Variants in NLRP8 observed in about 807,000 individuals in gnomAD.
The protein encoded by NLRP8 is NACHT, LRR and PYD domains-containing protein 8.
In NLRP8, 86 loss-of-function variants were observed where a neutral mutation model predicts 88.7. That is an observed-to-expected ratio of 0.97 (90% confidence interval 0.81 to 1.16). The LOEUF (loss-of-function observed/expected upper bound fraction) is 1.16. Among genes scored for constraint, NLRP8 ranks in the 50% most tolerant of loss-of-function variants. The pLI is 0.00. For missense variants in NLRP8, 1,342 were observed against 1,286.5 expected, an observed-to-expected ratio of 1.04 and a Z score of -0.66; for synonymous variants, 504 against 494.6, an observed-to-expected ratio of 1.02 and a Z score of -0.25.
At chr19:55,949,706 C>T (rs747649365) in intron 1 of NLRP8, among the ~76,000 whole-genome samples, 30 of 150,372 alleles carry the variant, frequency 2.0e-4, no homozygotes, top group Non-Finnish European at 1.0e-4. Flanking sequence ...CCCGCCTCTC[C>T]CAATAGCTGA....
At chr19:55,985,573 T>C (rs1980770172) in intron 9 of NLRP8, among the ~76,000 whole-genome samples, 2 of 152,162 alleles carry the variant, frequency 1.3e-5, no homozygotes, top group African/African-American at 2.4e-5. Flanking sequence ...CCTCATACCA[T>C]ATACAAAATT....
chr19:55,968,831 G>A (rs1016052045), intron 5 of NLRP8, among the ~76,000 whole-genome samples: 7 of 152,158 alleles, frequency 4.6e-5, no homozygotes, highest in Non-Finnish European at 1.0e-4. Context: ...TCCAGAGGAG[G>A]CCCACGAGCC....
At chr19:55,974,519 C>T (rs563401411) in intron 7 of NLRP8, among the ~76,000 whole-genome samples, 20 of 152,012 alleles carry the variant, frequency 1.3e-4, no homozygotes, top group African/African-American at 3.4e-4. Context: ...GAGTCCGAGG[C>T]GGGAGGATCA....
At chr19:55,960,773 CAT>C (rs1175315850) in intron 3 of NLRP8, among the ~76,000 whole-genome samples, 1 of 151,878 alleles carries the variant, frequency 6.6e-6, no homozygotes, top group African/African-American at 2.4e-5. Flanking sequence ...TTTTTCATCT[CAT>C]GTGTCTTGGC....
chr19:55,966,071 A>G (rs947502537), intron 4 of NLRP8, 142 bp from the exon 5 acceptor site: 1 of 670,226 alleles, frequency 1.5e-6, no homozygotes, highest in African/African-American at 1.8e-5. Context: ...TAATGTCTGC[A>G]TCCTGAATTC....
intron 1 of NLRP8, among the ~76,000 whole-genome samples, chr19:55,949,127 T>C (rs1200641878): frequency 6.6e-6 from 1 of 152,250 alleles, no homozygotes; most frequent in East Asian, 1.9e-4. Flanking sequence ...AGAGACCACA[T>C]TTACATACCG....
chr19:55,988,006 G>C lies in NLRP8; in HGVS notation c.*93G>C, dbSNP rs779048040. 3 of 953,552 alleles carry C rather than the reference G, an allele frequency of 3.1e-6. No individual in the cohort carries two copies. In the South Asian group the frequency reaches 4.1e-5, roughly 13 times the overall value. The allele number at this position is 953,552 out of a possible 1,614,324, so 59.1% of individuals were successfully genotyped here. Reference sequence around the variant, plus strand: ...GCGTTATCATCCTGTATGCATTAACGTACTTTCCCCTGAAACAGAGCAACC... The same window carrying C: ...GCGTTATCATCCTGTATGCATTAACCTACTTTCCCCTGAAACAGAGCAACC... On this transcript the variant is annotated 3_prime_UTR_variant, in exon 10 of 10. Coordinates refer to ENST00000291971, the MANE Select transcript of NLRP8 (RefSeq NM_176811.2).
chr19:55,984,227 A>T (rs1249683972), intron 9 of NLRP8, among the ~76,000 whole-genome samples: 1 of 149,902 alleles, frequency 6.7e-6, no homozygotes, highest in East Asian at 1.9e-4. Context: ...ATAATTAAAA[A>T]GTGAATTAGT....
intron 9 of NLRP8, chr19:55,987,789 G>A (rs758929963): frequency 1.3e-6 from 2 of 1,560,480 alleles, no homozygotes; most frequent in Non-Finnish European, 8.8e-7. Context: ...ACCTCAACCA[G>A]CAGCCTTCCT....
At chr19:55,950,721 T>C (rs1433025672) in intron 1 of NLRP8, among the ~76,000 whole-genome samples, 1 of 152,120 alleles carries the variant, frequency 6.6e-6, no homozygotes, top group Non-Finnish European at 1.5e-5. Context: ...GTTGGTGGTT[T>C]TGCTGTTTAA....
Position 55,955,763 on chromosome 19 carries a change from T to G in NLRP8, c.1705T>G (p.Ser569Ala), listed in dbSNP as rs1979325469. ...CGGTTTTCTGAACGAGGCCTGCGCT[T>G]CGGCCGTGGAACAGTCATTCCAATG... Residue 569 changes from serine (S) to alanine (A), a missense_variant, in exon 3 of 10, where the codon TCG becomes GCG. Physicochemically the swap from Ser to Ala is moderately conservative, Grantham distance 99. Coordinates refer to ENST00000291971, the MANE Select transcript of NLRP8 (RefSeq NM_176811.2). The G allele has an allele frequency of 6.2e-7, 1 of 1,614,038 alleles. No homozygotes were observed. Among genetic ancestry groups the G allele is most frequent in the Non-Finnish European group, 8.5e-7 (1 of 1,180,020 alleles).
chr19:55,952,150 C>T (rs1028818863), intron 1 of NLRP8, among the ~76,000 whole-genome samples: 4 of 152,110 alleles, frequency 2.6e-5, no homozygotes, highest in African/African-American at 9.7e-5. Flanking sequence ...CGATGTAGAT[C>T]CCACGGTAAT....
chr19:55,958,705 T>G (rs1297096620), intron 3 of NLRP8, among the ~76,000 whole-genome samples: 1 of 152,134 alleles, frequency 6.6e-6, no homozygotes, highest in Non-Finnish European at 1.5e-5. Flanking sequence ...TAGCATATAT[T>G]TTTATTTATT....
At position 55,966,221 on chromosome 19, in the gene NLRP8, G is replaced by A. The variant is rs188779067; in HGVS notation, c.2222G>A (p.Arg741His). 2.0e-5 allele frequency: 33 copies of A among 1,614,012 alleles called. No homozygotes were observed. Among genetic ancestry groups the A allele is most frequent in the Middle Eastern group, 3.3e-4 (2 of 6,062 alleles). The change falls in exon 5 of 10, where the codon CGT (arginine) becomes CAT (histidine). Residue 741 changes from arginine to histidine, a missense_variant. Arg to His is a conservative substitution (Grantham distance 29). Coordinates refer to ENST00000291971, the MANE Select transcript of NLRP8 (RefSeq NM_176811.2). ...CGCTCTTCCCTCTCCAGCCTAAGGC[G>A]TGTGAATAGCACCATGTTGAACCAG...
chr19:55,978,780 G>A (rs765889215), intron 8 of NLRP8, among the ~76,000 whole-genome samples: 1 of 152,098 alleles, frequency 6.6e-6, no homozygotes, highest in Non-Finnish European at 1.5e-5. Context: ...ATTTGAGCTG[G>A]GTGTGGTGGC....
At chr19:55,961,649 A>G (rs1979617116) in intron 3 of NLRP8, among the ~76,000 whole-genome samples, 1 of 152,072 alleles carries the variant, frequency 6.6e-6, no homozygotes, top group African/African-American at 2.4e-5. Flanking sequence ...AAAAAATACA[A>G]AAATCAGTCA....
At chr19:55,978,803 T>C (rs980118006) in intron 8 of NLRP8, among the ~76,000 whole-genome samples, 2 of 152,070 alleles carry the variant, frequency 1.3e-5, no homozygotes, top group Non-Finnish European at 2.9e-5. Flanking sequence ...GTGCCTACAG[T>C]CCCAGCTGCT....
rs748703371 is a variant in NLRP8 at position 55,954,513 on chromosome 19, G to A, written c.455G>A (p.Arg152Gln). The change falls in exon 3 of 10, where the codon CGG (arginine) becomes CAG (glutamine). Residue 152 changes from arginine to glutamine, a missense_variant. Physicochemically the swap from Arg to Gln is conservative, Grantham distance 43. Transcript: ENST00000291971. ...CTCACAAATCTAGGTAAAATACGGCGGTATAAATCGAATGTGATGGAAAAG... is the reference window on the plus strand; with the variant it reads ...CTCACAAATCTAGGTAAAATACGGCAGTATAAATCGAATGTGATGGAAAAG... 4.5e-5 allele frequency: 72 copies of A among 1,613,332 alleles called. No homozygotes were observed. Among genetic ancestry groups the A allele is most frequent in the East Asian group, 8.9e-5 (4 of 44,886 alleles).
At position 55,957,673 on chromosome 19, in the gene NLRP8, TTATATATATATATATATATATATATA is replaced by T. The variant is rs10523999; in HGVS notation, c.2042+1600_2042+1625del. Among the ~76,000 whole-genome samples the T allele has an allele frequency of 1.9e-3, 60 of 31,204 alleles. 2 individuals are homozygous for T. The highest frequency in any genetic ancestry group is 5.1e-3 in the East Asian group (3 of 590). The allele number at this position is 31,204 out of a possible 152,430, so 20.5% of individuals were successfully genotyped here. A position where few individuals can be genotyped will look rare whatever the true frequency, so the allele number is the denominator to read the frequency against. ...TATCTTAAAAAAGAAAAAATAATAA[TTATATATATATATATATATATATATA>T]TATATATATATATATATATATATAT... On this transcript the variant is annotated intron_variant, in intron 3 of 9. Coordinates refer to ENST00000291971, the MANE Select transcript of NLRP8 (RefSeq NM_176811.2).
Sources: allele counts gnomAD v4.1 joint callset (sites outside exome capture counted in the v4.1 genomes callset), GRCh38; gene constraint gnomAD v4.1.1; transcripts MANE v1.5; gene names NCBI Gene and HGNC (gene_info 2026-07-23, HGNC 2026-07-21).